DNMT3B: variants seen among roughly 807,000 people sequenced by gnomAD.
The protein encoded by DNMT3B is DNA methyltransferase 3 beta.
Under a neutral mutation model 120.2 loss-of-function variants are expected in DNMT3B, and 37 were observed. The observed-to-expected ratio is 0.31, with a 90% CI of 0.24 to 0.40. The LOEUF (loss-of-function observed/expected upper bound fraction) is 0.40, where lower values mean the gene tolerates loss of function less well. Ranked by LOEUF, DNMT3B falls within the 10% of genes least tolerant of loss-of-function variation. DNMT3B has a pLI of 1.00. For synonymous variants in DNMT3B, 412 were observed against 442.8 expected (o/e 0.93, Z 0.87); for missense variants, 878 against 1,137.3 (o/e 0.77, Z 3.28).
chr20:32,784,873 C>A lies in DNMT3B; in HGVS notation c.306+14C>A, dbSNP rs1230410337. 6.2e-7 allele frequency: 1 copy of A among 1,613,806 alleles called. No homozygotes were observed. The highest frequency in any genetic ancestry group is 2.2e-5 in the East Asian group (1 of 44,888). On this transcript the variant is annotated intron_variant, in intron 4 of 22. Transcript: ENST00000328111. ...GAAAGCCCAGCTGTAAGTAGCCACA[C>A]CTCGAGCCAAAGCACTTGTGGCCAA...
At chr20:32,788,805 C>A in intron 6 of DNMT3B, 49 bp from the exon 7 acceptor site, 1 of 1,613,624 alleles carries the variant, frequency 6.2e-7, no homozygotes, top group South Asian at 1.1e-5. Flanking sequence ...GGACTTGGCC[C>A]AGGATGGCCT....
Position 32,806,338 on chromosome 20 carries a change from C to T in DNMT3B, c.2420+11C>T, listed in dbSNP as rs998824535. ...CACTGAGCTCGAAAGGTGAGCAAGG[C>T]TGCACTTGGAGAGGGAAACTGTGTA... On this transcript the variant is annotated intron_variant, in intron 22 of 22. Coordinates refer to ENST00000328111, the MANE Select transcript of DNMT3B (RefSeq NM_006892.4). The T allele has an allele frequency of 6.2e-7, 1 of 1,612,546 alleles. No individual in the cohort carries two copies. Among genetic ancestry groups the T allele is most frequent in the African/African-American group, 1.3e-5 (1 of 74,908 alleles).
At chr20:32,780,095 C>G (rs907253494) in intron 1 of DNMT3B, 4 of 1,612,728 alleles carry the variant, frequency 2.5e-6, no homozygotes, top group African/African-American at 1.3e-5. Context: ...GGCGTCTGAG[C>G]CTTCGGGACA....
intron 2 of DNMT3B, among the ~76,000 whole-genome samples, chr20:32,780,777 C>A (rs1978517350): frequency 6.6e-6 from 1 of 152,026 alleles, no homozygotes; most frequent in Non-Finnish European, 1.5e-5. Context: ...TGCAGTGGGA[C>A]CCTCTCCCCA....
intron 6 of DNMT3B, 28 bp downstream of exon 6, chr20:32,787,479 G>C: frequency 6.2e-7 from 1 of 1,604,120 alleles, no homozygotes; most frequent in South Asian, 1.1e-5. Context: ...TCCTGCCCAG[G>C]GTGACTGAGG....
chr20:32,765,388 G>A (rs113316316), intron 1 of DNMT3B, among the ~76,000 whole-genome samples: 207 of 150,356 alleles, frequency 1.4e-3, no homozygotes, highest in African/African-American at 4.6e-3. Context: ...GTACTATTAC[G>A]TCTTGGTGGT....
At chr20:32,779,819 G>T (rs1467684103) in intron 1 of DNMT3B, 1 of 559,670 alleles carries the variant, frequency 1.8e-6, no homozygotes, top group Admixed American at 3.1e-5. Flanking sequence ...GGGGAGGAGG[G>T]GGTGGGTGGG....
intron 1 of DNMT3B, chr20:32,779,991 C>A: frequency 7.6e-7 from 1 of 1,308,938 alleles, no homozygotes; most frequent in South Asian, 1.3e-5. Context: ...ACAGGCAGGT[C>A]CTAAATGGCA....
intron 20 of DNMT3B, 37 bp from the exon 21 acceptor site, chr20:32,805,301 T>C (rs200007557): frequency 6.2e-7 from 1 of 1,613,830 alleles, no homozygotes; most frequent in African/African-American, 1.3e-5. Context: ...GGACCCTCTA[T>C]AGCTAGTAAG....
In DNMT3B at chr20:32,780,405, A is replaced by G. The variant is rs769293365; in HGVS notation, c.82A>G (p.Ser28Gly). 1 of 1,613,908 alleles carries G rather than the reference A, an allele frequency of 6.2e-7. No individual in the cohort carries two copies. Among genetic ancestry groups the G allele is most frequent in the Non-Finnish European group, 8.5e-7 (1 of 1,179,990 alleles). ...EDSILVNGAC[S>G]DQSSDSPPIL... ...CTCGATCCTCGTCAACGGGGCCTGC[A>G]GCGACCAGTCCTCCGACTCGCCCCC... Residue 28 changes from serine (S) to glycine (G), a missense_variant, in exon 2 of 23, where the codon AGC becomes GGC. Physicochemically the swap from Ser to Gly is moderately conservative, Grantham distance 56. Around this residue, in one of 4 missense-constraint regions of DNMT3B, gnomAD observed 287 missense variants for 306.2 expected, o/e 0.94. Transcript: ENST00000328111.
At chr20:32,789,216 G>A (rs1979680142) in intron 7 of DNMT3B, among the ~76,000 whole-genome samples, 1 of 152,226 alleles carries the variant, frequency 6.6e-6, no homozygotes, top group Non-Finnish European at 1.5e-5. Flanking sequence ...AGAAAGTTCT[G>A]GATCCATGGG....
Position 32,787,330 on chromosome 20 carries a change from A to G in DNMT3B, c.533A>G (p.His178Arg). 6.2e-7 allele frequency: 1 copy of G among 1,614,202 alleles called. No homozygotes were observed. Among genetic ancestry groups the G allele is most frequent in the South Asian group, 1.1e-5 (1 of 91,090 alleles). Residue 178 changes from histidine (H) to arginine (R), a missense_variant, in exon 6 of 23, where the codon CAT (histidine) becomes CGT (arginine). His to Arg is a conservative substitution (Grantham distance 29, BLOSUM62 0). This residue lies in a region of DNMT3B where 287 missense variants were observed against 306.2 expected (regional missense o/e 0.94). Coordinates refer to ENST00000328111, the MANE Select transcript of DNMT3B (RefSeq NM_006892.4). ...CTCACAGACGACACAGAGGACACAC[A>G]TGGGACGCCCCAGAGCAGCAGTACC... ...IDLTDDTEDTHGTPQSSSTPY... is the reference protein window; with the variant it reads ...IDLTDDTEDTRGTPQSSSTPY...
intron 9 of DNMT3B, 60 bp from the exon 10 acceptor site, chr20:32,793,476 A>G: frequency 6.3e-7 from 1 of 1,586,416 alleles, no homozygotes; most frequent in Non-Finnish European, 8.6e-7. Flanking sequence ...TCAAAAAAGA[A>G]AACAGTCCAT....
In DNMT3B at chr20:32,800,171, A is replaced by G; in HGVS notation, c.1778A>G (p.Glu593Gly). ...GIATGYLVLKELGIKVGKYVA... is the reference protein window; with the variant it reads ...GIATGYLVLKGLGIKVGKYVA... ...CCCACAGGCTACCTAGTCCTCAAAG[A>G]GTTGGGCATAAAGGTAGGAAAGTAC... is the stretch of plus-strand genomic sequence containing the variant. The change falls in exon 17 of 23, where the codon GAG becomes GGG. Residue 593 changes from glutamate to glycine, a missense_variant. Physicochemically the swap from Glu to Gly is moderately conservative, Grantham distance 98. Transcript: ENST00000328111. 6.2e-7 allele frequency: 1 copy of G among 1,614,196 alleles called. No homozygotes were observed. The highest frequency in any genetic ancestry group is 8.5e-7 in the Non-Finnish European group (1 of 1,180,036).
At position 32,799,257 on chromosome 20, in the gene DNMT3B, T is replaced by A; in HGVS notation, c.1688T>A (p.Leu563Gln). The change falls in exon 16 of 23, where the codon CTG becomes CAG. Residue 563 changes from leucine to glutamine, a missense_variant. Physicochemically the swap from Leu to Gln is moderately radical, Grantham distance 113 (BLOSUM62 -2). Coordinates refer to ENST00000328111, the MANE Select transcript of DNMT3B (RefSeq NM_006892.4). Reference protein sequence around the residue: ...DTGLEYEAPKLYPAIPAARRR... With the variant: ...DTGLEYEAPKQYPAIPAARRR... ...CTTACCTGGCAGGAAGCCCCCAAGCTGTACCCTGCCATTCCCGCAGCCCGA... is the reference window on the plus strand; with the variant it reads ...CTTACCTGGCAGGAAGCCCCCAAGCAGTACCCTGCCATTCCCGCAGCCCGA... 6.2e-7 allele frequency: 1 copy of A among 1,612,908 alleles called. No individual in the cohort carries two copies. Among genetic ancestry groups the A allele is most frequent in the Non-Finnish European group, 8.5e-7 (1 of 1,179,600 alleles).
intron 10 of DNMT3B, 146 bp downstream of exon 10, chr20:32,793,741 C>A: frequency 1.1e-6 from 1 of 904,552 alleles, no homozygotes; most frequent in Non-Finnish European, 1.8e-6. Context: ...CACATCCCAC[C>A]CTCACAAATA....
chr20:32,789,049 G>A (rs1385808144), intron 7 of DNMT3B, 37 bp downstream of exon 7: 19 of 1,610,286 alleles, frequency 1.2e-5, no homozygotes, highest in Non-Finnish European at 1.6e-5. Context: ...CTGCAGGCCT[G>A]AGGCTGTGCC....
Position 32,774,462 on chromosome 20 carries a change from G to A in DNMT3B, c.-6-5856G>A, listed in dbSNP as rs545167618. On this transcript the variant is annotated intron_variant, in intron 1 of 22. Coordinates refer to ENST00000328111, the MANE Select transcript of DNMT3B (RefSeq NM_006892.4). ...CTGACCTCGTGATCTGCCCACGTCG[G>A]CCTCCCAAAGTGCTGGGATTACAGA... Among the ~76,000 whole-genome samples the A allele has an allele frequency of 2.7e-3, 408 of 149,536 alleles. 2 individuals carry two copies. The highest frequency in any genetic ancestry group is 4.9e-3 in the Non-Finnish European group (333 of 67,734).
intron 20 of DNMT3B, among the ~76,000 whole-genome samples, 195 bp from the exon 21 acceptor site, chr20:32,805,143 T>G (rs1981822872): frequency 6.6e-6 from 1 of 152,196 alleles, no homozygotes; most frequent in Non-Finnish European, 1.5e-5. Context: ...TCCTGGATGC[T>G]GGGCTGTCCC....
Sources: allele counts gnomAD v4.1 joint callset (sites outside exome capture counted in the v4.1 genomes callset), GRCh38; gene constraint gnomAD v4.1.1; regional missense constraint gnomAD v4.1.1; transcripts MANE v1.5; gene names NCBI Gene and HGNC (gene_info 2026-07-23, HGNC 2026-07-21).